Variants in AQP8 observed in about 807,000 individuals in gnomAD.
AQP8 encodes the protein aquaporin-8.
In AQP8, 14 loss-of-function variants were observed where a neutral mutation model predicts 26.1. The ratio of observed to expected loss-of-function variants is 0.54; its 90% CI spans 0.35 to 0.84. AQP8 has a LOEUF of 0.84. Ranked by LOEUF, AQP8 falls within the 40% of genes least tolerant of loss-of-function variation. The pLI, the probability that AQP8 is intolerant of heterozygous loss-of-function variation, is 0.01. For synonymous variants in AQP8, 131 were observed against 150.7 expected (o/e 0.87, Z 0.96); for missense variants, 301 against 340.5 (o/e 0.88, Z 0.91).
intron 3 of AQP8, 76 bp from the exon 4 acceptor site, chr16:25,224,286 G>GT (rs1567344473): frequency 4.9e-6 from 7 of 1,421,570 alleles, no homozygotes; most frequent in African/African-American, 1.4e-5. Context: ...GGTAGCATGC[G>GT]TTTTTTAGGC....
intron 3 of AQP8, 140 bp downstream of exon 3, chr16:25,221,723 C>A: frequency 1.0e-6 from 1 of 997,008 alleles, no homozygotes; most frequent in Non-Finnish European, 1.5e-6. Context: ...AATTGGTGGA[C>A]GTTTTTCTTC....
intron 5 of AQP8, 41 bp downstream of exon 5, chr16:25,227,243 ACTTGG>A: frequency 6.2e-7 from 1 of 1,612,074 alleles, no homozygotes; most frequent in South Asian, 1.1e-5. Flanking sequence ...TTGGATGGGC[ACTTGG>A]CAACATCTCC....
In AQP8 at chr16:25,221,555, G is replaced by A. The variant is rs766105122; in HGVS notation, c.359G>A (p.Gly120Glu). ...CCGTACTGGGTCTCACAGCTGCTCG[G>A]GGGGATGCTCGGGGCTGCCTTGGCC... The part of the protein sequence containing the change: ...LLPYWVSQLL[G>E]GMLGAALAKA... The change falls in exon 3 of 6, where the codon GGG (glycine) becomes GAG (glutamate). Residue 120 changes from glycine (G) to glutamate (E), a missense_variant. Gly to Glu is a moderately conservative substitution (Grantham distance 98). Coordinates refer to ENST00000219660, the MANE Select transcript of AQP8 (RefSeq NM_001169.3). 6.2e-7 allele frequency: 1 copy of A among 1,614,096 alleles called. No homozygotes were observed. Among genetic ancestry groups the A allele is most frequent in the South Asian group, 1.1e-5 (1 of 91,082 alleles).
intron 3 of AQP8, among the ~76,000 whole-genome samples, chr16:25,222,287 T>G (rs957201877): frequency 1.2e-4 from 19 of 152,328 alleles, no homozygotes; most frequent in African/African-American, 4.6e-4. Flanking sequence ...TCTGCTGACC[T>G]TCCCTCCACT....
At chr16:25,219,868 C>A (rs1236577827) in intron 2 of AQP8, among the ~76,000 whole-genome samples, 1 of 151,904 alleles carries the variant, frequency 6.6e-6, no homozygotes, top group Non-Finnish European at 1.5e-5. Flanking sequence ...GAAACCCCGT[C>A]TCTACCAAAA....
Position 25,227,116 on chromosome 16 carries a change from T to C in AQP8, c.651T>C (p.Pro217=), listed in dbSNP as rs367976894. ...GCMNPARAFG[P]AVVANHWNFH... is the part of the protein sequence containing the mutation. ...TGAATCCCGCCCGTGCTTTTGGACC[T>C]GCGGTGGTGGCCAACCACTGGAACT... is the stretch of plus-strand genomic sequence containing the variant. The change falls in exon 5 of 6, where the codon CCT becomes CCC. Residue 217 remains proline (P), a synonymous_variant. Transcript: ENST00000219660. The C allele has an allele frequency of 1.1e-5, 18 of 1,614,014 alleles. No individual in the cohort carries two copies. The East Asian group carries it at 2.0e-4, about 18-fold the overall frequency.
At chr16:25,217,092 G>A in intron 1 of AQP8, 35 bp downstream of exon 1, 1 of 1,613,862 alleles carries the variant, frequency 6.2e-7, no homozygotes, top group African/African-American at 1.3e-5. Context: ...TCTCCAGGCT[G>A]GCAGAGCAAG....
intron 3 of AQP8, 103 bp from the exon 4 acceptor site, chr16:25,224,259 C>G: frequency 9.3e-7 from 1 of 1,073,386 alleles, no homozygotes; most frequent in Non-Finnish European, 1.3e-6. Context: ...CATAACCCTT[C>G]ACTGGCTCTT....
At chr16:25,223,976 G>A (rs73551044) in intron 3 of AQP8, among the ~76,000 whole-genome samples, 16,400 of 152,000 alleles carry the variant, frequency 0.11, 1,346 homozygotes, top group African/African-American at 0.22. Flanking sequence ...ACAGGTGCCT[G>A]CCACTTCACC....
At chr16:25,224,341 C>A (rs759202478) in intron 3 of AQP8, 21 bp from the exon 4 acceptor site, 7 of 1,597,906 alleles carry the variant, frequency 4.4e-6, no homozygotes, top group Admixed American at 1.7e-5. Flanking sequence ...CACTGTGAGG[C>A]TCAGCAGCTT....
intron 3 of AQP8, 54 bp from the exon 4 acceptor site, chr16:25,224,306 TCA>T: frequency 6.5e-7 from 1 of 1,530,622 alleles, no homozygotes; most frequent in Middle Eastern, 2.4e-4. Flanking sequence ...CCCTCTCCCC[TCA>T]GTTTCCAGCT....
At chr16:25,224,645 C>A (rs1962608653) in intron 4 of AQP8, 69 bp downstream of exon 4, 3 of 1,481,940 alleles carry the variant, frequency 2.0e-6, no homozygotes, top group Non-Finnish European at 2.7e-6. Context: ...GGATTTCAGG[C>A]CTGAGGGTCA....
At chr16:25,221,908 C>G (rs1962567764) in intron 3 of AQP8, among the ~76,000 whole-genome samples, 1 of 152,176 alleles carries the variant, frequency 6.6e-6, no homozygotes, top group African/African-American at 2.4e-5. Context: ...ACTGGGATTA[C>G]AGGCGCATGC....
chr16:25,222,063 C>T lies in AQP8; in HGVS notation c.387+480C>T, dbSNP rs112453908. ...GGTTACAGGCATGAGCCACTGTGCC[C>T]GGCCTCTCTTTTTTATTTTAGAGAT... On this transcript the variant is annotated intron_variant, in intron 3 of 5. Coordinates refer to ENST00000219660, the MANE Select transcript of AQP8 (RefSeq NM_001169.3). 9.6e-4 allele frequency among the ~76,000 whole-genome samples: 143 copies of T among 148,920 alleles called. 2 individuals are homozygous for T. Among genetic ancestry groups the T allele is most frequent in the African/African-American group, 3.3e-3 (132 of 40,488 alleles).
At position 25,221,683 on chromosome 16, in the gene AQP8, G is replaced by A. The variant is rs911691485; in HGVS notation, c.387+100G>A. On this transcript the variant is annotated intron_variant, in intron 3 of 5. Transcript: ENST00000219660. ...GTGGGACAGTGGGGAGTGGGGAAAT[G>A]TCCAATCTTTTGCTTGTTTCTGCCA... 7.6e-6 allele frequency: 11 copies of A among 1,438,792 alleles called. No homozygotes were observed. The African/African-American group carries it at 1.3e-4, about 17-fold the overall frequency. The allele number at this position is 1,438,792 out of a possible 1,614,324, so 89.1% of individuals were successfully genotyped here.
chr16:25,228,168 G>A (rs952732109), intron 5 of AQP8, among the ~76,000 whole-genome samples: 2 of 151,872 alleles, frequency 1.3e-5, no homozygotes, highest in African/African-American at 4.8e-5. Flanking sequence ...TCGGGAGGCT[G>A]AAGTATGAGA....
intron 4 of AQP8, 42 bp downstream of exon 4, chr16:25,224,618 T>C (rs1287626206): frequency 1.3e-6 from 2 of 1,578,096 alleles, no homozygotes; most frequent in African/African-American, 1.3e-5. Flanking sequence ...CCCAGATCTG[T>C]GCTGTTCAGC....
intron 3 of AQP8, among the ~76,000 whole-genome samples, chr16:25,222,628 C>T (rs1962577762): frequency 6.6e-6 from 1 of 151,644 alleles, no homozygotes; most frequent in Non-Finnish European, 1.5e-5. Context: ...CTTGGTTCAG[C>T]CAGGGATACT....
At chr16:25,220,599 G>A (rs2141340067) in intron 2 of AQP8, among the ~76,000 whole-genome samples, 2 of 152,228 alleles carry the variant, frequency 1.3e-5, no homozygotes, top group South Asian at 4.1e-4. Context: ...ACCTGGTCAT[G>A]AACCTCCAAC....
Sources: gnomAD v4.1 joint callset for allele counts (sites outside exome capture counted in the v4.1 genomes callset) on GRCh38, gnomAD v4.1.1 for gene constraint, MANE v1.5 for transcripts, NCBI Gene and HGNC (gene_info 2026-07-23, HGNC 2026-07-21) for gene names.